Variants in PTPN14 observed in about 807,000 individuals in gnomAD.
The protein encoded by PTPN14 is tyrosine-protein phosphatase non-receptor type 14.
Under a neutral mutation model 126.8 loss-of-function variants are expected in PTPN14, and 53 were observed. The ratio of observed to expected loss-of-function variants is 0.42; its 90% CI spans 0.34 to 0.53. The LOEUF is 0.53. PTPN14 is among the 20% of genes least tolerant of loss of function. The pLI, the probability that PTPN14 is intolerant of heterozygous loss-of-function variation, is 0.08. For synonymous variants in PTPN14, 630 were observed against 599.3 expected, an observed-to-expected ratio of 1.05 and a Z score of -0.75; for missense variants, 1,257 against 1,552.9, an observed-to-expected ratio of 0.81 and a Z score of 3.20.
chr1:214,461,975 ATTC>A lies in PTPN14; in HGVS notation c.174+2652_174+2654del, dbSNP rs1282161248. ...ACTTCTGCTTTTGGATAGAGGATGC[ATTC>A]TTCTTTAAGGTGTGTGTGTGCAAAA... On this transcript the variant is annotated intron_variant, in intron 2 of 18. Coordinates refer to ENST00000366956, the MANE Select transcript of PTPN14 (RefSeq NM_005401.5). Among the ~76,000 whole-genome samples, 6 of 152,312 alleles carry A rather than the reference ATTC, an allele frequency of 3.9e-5. No individual in the cohort carries two copies. In the East Asian group the frequency reaches 1.2e-3, roughly 29 times the overall value.
chr1:214,426,610 G>A (rs1004517465), intron 3 of PTPN14, among the ~76,000 whole-genome samples: 5 of 152,096 alleles, frequency 3.3e-5, no homozygotes, highest in African/African-American at 9.7e-5. Flanking sequence ...CATGGGTAGA[G>A]GGATGGAGGA....
chr1:214,385,444 G>C (rs1359897953), intron 12 of PTPN14, among the ~76,000 whole-genome samples: 1 of 151,738 alleles, frequency 6.6e-6, no homozygotes, highest in African/African-American at 2.4e-5. Flanking sequence ...ATTAATTATA[G>C]TTTAAAGAGG....
chr1:214,386,725 C>T (rs549406011), intron 12 of PTPN14, 119 bp downstream of exon 12: 1 of 1,070,270 alleles, frequency 9.3e-7, no homozygotes, highest in Admixed American at 2.2e-5. Context: ...TACTGTCATT[C>T]AGACGATGAC....
rs572449581 is a variant in PTPN14, at chr1:214,481,803, G to A, written c.-154-16846C>T. 5.6e-3 allele frequency among the ~76,000 whole-genome samples: 855 copies of A among 151,986 alleles called. 8 individuals are homozygous for A. Among genetic ancestry groups the A allele is most frequent in the African/African-American group, 0.02 (811 of 41,464 alleles). On this transcript the variant is annotated intron_variant, in intron 1 of 18. Transcript: ENST00000366956. Reference sequence around the variant, plus strand: ...GATCAAGATCATCCTGGCTAACACAGTGAAACCCCATCTCTACTAAAAATA... The same window carrying A: ...GATCAAGATCATCCTGGCTAACACAATGAAACCCCATCTCTACTAAAAATA...
At chr1:214,457,309 T>C (rs1350075931) in intron 2 of PTPN14, among the ~76,000 whole-genome samples, 1 of 152,204 alleles carries the variant, frequency 6.6e-6, no homozygotes, top group African/African-American at 2.4e-5. Flanking sequence ...GAAATGATTA[T>C]AGTTTGGTTT....
intron 3 of PTPN14, among the ~76,000 whole-genome samples, chr1:214,422,405 A>G (rs1042943782): frequency 2.6e-5 from 4 of 152,158 alleles, no homozygotes; most frequent in Non-Finnish European, 5.9e-5. Context: ...TAACCGGCCA[A>G]CCAAAACTAC....
intron 2 of PTPN14, 109 bp from the exon 3 acceptor site, chr1:214,452,083 C>T: frequency 8.0e-7 from 1 of 1,242,936 alleles, no homozygotes; most frequent in Non-Finnish European, 1.1e-6. Flanking sequence ...TTCCCCAGCC[C>T]ATATATAAGA....
At chr1:214,502,571 C>T (rs887536322) in intron 1 of PTPN14, among the ~76,000 whole-genome samples, 4 of 152,108 alleles carry the variant, frequency 2.6e-5, no homozygotes, top group Non-Finnish European at 5.9e-5. Flanking sequence ...GTTGCCCAGG[C>T]TGGTCTCATA....
chr1:214,459,164 T>TTTCA (rs1660452065), intron 2 of PTPN14, among the ~76,000 whole-genome samples: 1 of 147,380 alleles, frequency 6.8e-6, no homozygotes. Flanking sequence ...TTTTTTTTTT[T>TTTCA]GAGACAGAGT....
At chr1:214,494,983 C>T (rs1167068486) in intron 1 of PTPN14, among the ~76,000 whole-genome samples, 1 of 152,186 alleles carries the variant, frequency 6.6e-6, no homozygotes, top group African/African-American at 2.4e-5. Flanking sequence ...ACAATAAAAT[C>T]ACTTTGGACC....
At chr1:214,372,196 A>G (rs1468313487) in intron 16 of PTPN14, 1 of 157,266 alleles carries the variant, frequency 6.4e-6, no homozygotes, top group African/African-American at 2.4e-5. Context: ...TGGCAAAAGA[A>G]GAAAAAGATA....
At chr1:214,390,396 CAGCAGCTAA>C (rs1484936193) in intron 11 of PTPN14, among the ~76,000 whole-genome samples, 7 of 152,186 alleles carry the variant, frequency 4.6e-5, no homozygotes, top group Non-Finnish European at 1.0e-4. Flanking sequence ...AACAACAAAG[CAGCAGCTAA>C]AGCTAGGTCA....
intron 2 of PTPN14, among the ~76,000 whole-genome samples, chr1:214,453,680 C>T (rs1660322560): frequency 6.6e-6 from 1 of 152,178 alleles, no homozygotes; most frequent in Non-Finnish European, 1.5e-5. Context: ...TAAATCAAAG[C>T]AGGTAAACCT....
At position 214,465,035 on chromosome 1, in the gene PTPN14, GCCCCCCCCCCC is replaced by G. The variant is rs1183571712; in HGVS notation, c.-154-89_-154-79del. 4.5e-4 allele frequency: 125 copies of G among 279,874 alleles called. 5 individuals carry two copies. Among genetic ancestry groups the G allele is most frequent in the Admixed American group, 3.1e-3 (43 of 13,728 alleles). The allele number at this position is 279,874 out of a possible 1,614,324, so 17.3% of individuals were successfully genotyped here. ...GGTACCATATTCCACACACACAGAA[GCCCCCCCCCCC>G]CCCCACCCCGCCAAACAGATCAACA... is the stretch of plus-strand genomic sequence containing the variant. On this transcript the variant is annotated intron_variant, in intron 1 of 18. Coordinates refer to ENST00000366956, the MANE Select transcript of PTPN14 (RefSeq NM_005401.5).
intron 3 of PTPN14, among the ~76,000 whole-genome samples, chr1:214,422,698 G>C (rs978689937): frequency 1.3e-5 from 2 of 152,142 alleles, no homozygotes; most frequent in African/African-American, 4.8e-5. Flanking sequence ...CGGAAATACA[G>C]TGCTGTTATT....
intron 10 of PTPN14, among the ~76,000 whole-genome samples, chr1:214,391,778 T>A (rs1658758808): frequency 6.6e-6 from 1 of 152,052 alleles, no homozygotes; most frequent in Admixed American, 6.5e-5. Context: ...GGACTCTCCT[T>A]ATTCTGAGAT....
chr1:214,386,975 GA>G, intron 11 of PTPN14, 53 bp from the exon 12 acceptor site: 1 of 1,473,186 alleles, frequency 6.8e-7, no homozygotes, highest in Non-Finnish European at 9.4e-7. Flanking sequence ...CACGGCTGGT[GA>G]CTCACACAGC....
chr1:214,372,861 G>A (rs756331107), intron 15 of PTPN14, 22 bp from the exon 16 acceptor site: 20 of 1,613,010 alleles, frequency 1.2e-5, no homozygotes, highest in Middle Eastern at 1.7e-4. Context: ...GAAAAGTATC[G>A]GTAAATAAAC....
intron 1 of PTPN14, among the ~76,000 whole-genome samples, chr1:214,479,828 AAAAG>A (rs570970063): frequency 1.4e-4 from 21 of 152,188 alleles, no homozygotes; most frequent in Non-Finnish European, 2.9e-4. Flanking sequence ...ACAGAAAACT[AAAAG>A]AAAAAAATCA....
Sources: gnomAD v4.1 joint callset for allele counts (sites outside exome capture counted in the v4.1 genomes callset) on GRCh38, gnomAD v4.1.1 for gene constraint, MANE v1.5 for transcripts, NCBI Gene and HGNC (gene_info 2026-07-23, HGNC 2026-07-21) for gene names.